Variants in GPC5 observed in about 807,000 individuals in gnomAD.
The protein encoded by GPC5 is glypican-5.
In GPC5, 47 loss-of-function variants were observed where a neutral mutation model predicts 53.9. That is an observed-to-expected ratio of 0.87 (90% CI 0.69 to 1.11). The LOEUF (loss-of-function observed/expected upper bound fraction) is 1.11, where lower values mean the gene tolerates loss of function less well. Among genes scored for constraint, GPC5 ranks in the 50% most tolerant of loss-of-function variants. The probability of loss-of-function intolerance (pLI) is 0.00; values close to 1 mark genes in which losing one functional copy is unlikely to be tolerated. For synonymous variants in GPC5, 286 were observed against 263.3 expected (o/e 1.09, Z -0.84); for missense variants, 748 against 713.1 (o/e 1.05, Z -0.56).
chr13:91,821,887 C>A (rs1273856742), intron 5 of GPC5, among the ~76,000 whole-genome samples: 2 of 151,880 alleles, frequency 1.3e-5, no homozygotes, highest in African/African-American at 4.8e-5. Flanking sequence ...TTTAAATGTG[C>A]AAAAAAATTT....
intron 7 of GPC5, among the ~76,000 whole-genome samples, chr13:92,518,604 C>A (rs1880890029): frequency 6.6e-6 from 1 of 152,172 alleles, no homozygotes; most frequent in Admixed American, 6.5e-5. Context: ...ACCAGGCCTG[C>A]CTTACAAGAG....
intron 7 of GPC5, among the ~76,000 whole-genome samples, chr13:92,751,051 G>A (rs985251277): frequency 6.6e-6 from 1 of 151,938 alleles, no homozygotes; most frequent in Non-Finnish European, 1.5e-5. Flanking sequence ...AGTGTATAAT[G>A]AGGCACAAAA....
intron 7 of GPC5, among the ~76,000 whole-genome samples, chr13:92,847,643 A>C (rs1878656506): frequency 6.6e-6 from 1 of 151,834 alleles, no homozygotes. Flanking sequence ...TTTTTTTAAT[A>C]AATTACCCAG....
At chr13:91,648,106 A>G (rs1363777513) in intron 2 of GPC5, among the ~76,000 whole-genome samples, 1 of 152,220 alleles carries the variant, frequency 6.6e-6, no homozygotes, top group Non-Finnish European at 1.5e-5. Context: ...TAATAAGATT[A>G]TATACTAGTG....
chr13:92,544,620 A>G (rs900578747), intron 7 of GPC5, among the ~76,000 whole-genome samples: 14 of 152,140 alleles, frequency 9.2e-5, no homozygotes, highest in African/African-American at 3.1e-4. Flanking sequence ...TATTCCATGA[A>G]GCAGCTGGCT....
chr13:92,156,378 T>C (rs755194936), intron 7 of GPC5, among the ~76,000 whole-genome samples: 7 of 152,184 alleles, frequency 4.6e-5, no homozygotes, highest in Non-Finnish European at 4.4e-5. Flanking sequence ...ATGTTCACAG[T>C]TCTCTGCTGT....
intron 7 of GPC5, among the ~76,000 whole-genome samples, chr13:92,510,817 T>A (rs79649017): frequency 9.2e-5 from 14 of 152,306 alleles, no homozygotes; most frequent in African/African-American, 2.4e-5. Context: ...GGTGATTAGA[T>A]TGATAGCATC....
rs1180765582 is a variant in GPC5, at chr13:92,634,657, T to G, written c.1562-231625T>G. 1.3e-5 allele frequency among the ~76,000 whole-genome samples: 2 copies of G among 152,106 alleles called. 1 individual carries two copies. On this transcript the variant is annotated intron_variant, in intron 7 of 7. Transcript: ENST00000377067. ...GCTCCTCATTTATTCTTTTTCTATT[T>G]TCTAGAAACACTGATTTTGTGTACC... is the stretch of plus-strand genomic sequence containing the variant.
chr13:92,381,911 TATATATAATC>T (rs2043749224), intron 7 of GPC5, among the ~76,000 whole-genome samples: 2 of 135,816 alleles, frequency 1.5e-5, no homozygotes, highest in African/African-American at 5.6e-5. Context: ...ATATATATGA[TATATATAATC>T]ATATATATGA....
chr13:92,154,836 T>C (rs1486848924), intron 7 of GPC5, among the ~76,000 whole-genome samples: 1 of 152,250 alleles, frequency 6.6e-6, no homozygotes, highest in East Asian at 1.9e-4. Context: ...TGATGGCTCT[T>C]AGAAGCATAG....
At chr13:92,074,900 C>T (rs916670479) in intron 6 of GPC5, among the ~76,000 whole-genome samples, 5 of 152,150 alleles carry the variant, frequency 3.3e-5, no homozygotes, top group African/African-American at 1.2e-4. Context: ...AGTGTATGTT[C>T]ACACTGAGTA....
intron 7 of GPC5, among the ~76,000 whole-genome samples, chr13:92,682,938 G>T (rs989549725): frequency 1.3e-5 from 2 of 152,110 alleles, no homozygotes; most frequent in Non-Finnish European, 2.9e-5. Flanking sequence ...TCCTCTCCTT[G>T]TTCCCAGGAT....
chr13:92,401,500 C>T (rs1053416745), intron 7 of GPC5, among the ~76,000 whole-genome samples: 3 of 151,918 alleles, frequency 2.0e-5, no homozygotes, highest in Non-Finnish European at 2.9e-5. Context: ...TCATGGATAA[C>T]AAAAATTTGT....
intron 7 of GPC5, among the ~76,000 whole-genome samples, chr13:92,704,187 T>C (rs1489565855): frequency 2.0e-5 from 3 of 152,084 alleles, no homozygotes; most frequent in Non-Finnish European, 4.4e-5. Flanking sequence ...TTCCAATTTG[T>C]AAAATCTTTC....
intron 6 of GPC5, among the ~76,000 whole-genome samples, chr13:91,916,440 T>C (rs1159586074): frequency 6.6e-6 from 1 of 152,190 alleles, no homozygotes; most frequent in African/African-American, 2.4e-5. Context: ...GTCCATATAA[T>C]GCAATATTAT....
intron 5 of GPC5, among the ~76,000 whole-genome samples, chr13:91,897,842 C>G (rs1227308653): frequency 6.6e-6 from 1 of 152,150 alleles, no homozygotes; most frequent in African/African-American, 2.4e-5. Flanking sequence ...TTTCTATTTG[C>G]TGTGTGGTGC....
chr13:92,257,511 C>A (rs78355899), intron 7 of GPC5, among the ~76,000 whole-genome samples: 1 of 142,534 alleles, frequency 7.0e-6, no homozygotes, highest in Non-Finnish European at 1.5e-5. Context: ...GTAGTTATAA[C>A]CTTTCAGCTA....
At chr13:92,338,798 G>C (rs1192789858) in intron 7 of GPC5, among the ~76,000 whole-genome samples, 2 of 151,976 alleles carry the variant, frequency 1.3e-5, no homozygotes, top group African/African-American at 4.8e-5. Context: ...ATTTTGCATA[G>C]TGCCCTAATT....
intron 2 of GPC5, among the ~76,000 whole-genome samples, chr13:91,591,025 T>C (rs2032777041): frequency 6.6e-6 from 1 of 152,148 alleles, no homozygotes; most frequent in Admixed American, 6.6e-5. Context: ...CCTCACAAGG[T>C]TGTAAGGAGC....
Sources: gnomAD v4.1 joint callset for allele counts (sites outside exome capture counted in the v4.1 genomes callset) on GRCh38, gnomAD v4.1.1 for gene constraint, MANE v1.5 for transcripts, NCBI Gene and HGNC (gene_info 2026-07-23, HGNC 2026-07-21) for gene names.